The following DCDC1 variants were observed in gnomAD, a reference collection of about 807,000 sequenced individuals.
DCDC1 encodes doublecortin domain-containing protein 1.
Under a neutral mutation model 178.3 loss-of-function variants are expected in DCDC1, and 200 were observed. The ratio of observed to expected loss-of-function variants is 1.12; its 90% CI spans 1.00 to 1.26. The LOEUF is 1.26. DCDC1 is among the 50% of genes most tolerant of loss of function. The pLI, the probability that DCDC1 is intolerant of heterozygous loss-of-function variation, is 0.00. For missense variants in DCDC1, 1,983 were observed against 1,749.2 expected (o/e 1.13, Z -2.38); for synonymous variants, 690 against 604.8 (o/e 1.14, Z -2.07).
intron 7 of DCDC1, among the ~76,000 whole-genome samples, chr11:31,279,163 A>G (rs1364277562): frequency 6.6e-6 from 1 of 152,118 alleles, no homozygotes; most frequent in Non-Finnish European, 1.5e-5. Context: ...TAAGTCTTGC[A>G]CATATTGTGT....
intron 8 of DCDC1, among the ~76,000 whole-genome samples, chr11:31,250,564 G>A (rs1275323198): frequency 6.7e-6 from 1 of 150,344 alleles, no homozygotes; most frequent in Admixed American, 6.7e-5. Flanking sequence ...TTTTCCATTA[G>A]CAATGCTGTT....
intron 20 of DCDC1, among the ~76,000 whole-genome samples, chr11:30,993,002 T>C (rs190672601): frequency 6.6e-6 from 1 of 152,218 alleles, no homozygotes; most frequent in East Asian, 1.9e-4. Flanking sequence ...ATTTTGATTT[T>C]CAATCATAAA....
chr11:31,353,763 T>C (rs1951189263), intron 1 of DCDC1, among the ~76,000 whole-genome samples: 1 of 152,206 alleles, frequency 6.6e-6, no homozygotes, highest in Non-Finnish European at 1.5e-5. Flanking sequence ...ATAAGCACAG[T>C]GAACTGCTTG....
At chr11:31,240,604 T>A (rs1977005015) in intron 9 of DCDC1, among the ~76,000 whole-genome samples, 1 of 152,040 alleles carries the variant, frequency 6.6e-6, no homozygotes, top group Admixed American at 6.6e-5. Context: ...AATATTCATT[T>A]TTCAGCAGTC....
chr11:31,110,307 CT>C lies in DCDC1; in HGVS notation c.1539del (p.Asp514IlefsTer13), dbSNP rs1959125138. ...TGEISVGISK[K>X]DLGSDSPIQT... ...TGAATTGGGCTATCCGATCCCAAAT[CT>C]TTTTTACTGATACCAACAGAGATCT... On this transcript the variant is annotated frameshift_variant, in exon 12 of 39. Transcript: ENST00000684477. LOFTEE classifies it high-confidence loss of function. 2.8e-6 allele frequency: 2 copies of C among 712,814 alleles called. No individual in the cohort carries two copies. The highest frequency in any genetic ancestry group is 1.9e-5 in the Admixed American group (1 of 51,340). The allele number at this position is 712,814 out of a possible 1,614,324, so 44.2% of individuals were successfully genotyped here.
chr11:30,929,138 G>T (rs1324049224), intron 22 of DCDC1, among the ~76,000 whole-genome samples: 1 of 152,032 alleles, frequency 6.6e-6, no homozygotes. Flanking sequence ...TCGTTCAGTA[G>T]TCACTAATTT....
chr11:31,351,826 A>T (rs536881828), intron 1 of DCDC1, among the ~76,000 whole-genome samples: 26 of 152,274 alleles, frequency 1.7e-4, no homozygotes, highest in Admixed American at 6.5e-4. Flanking sequence ...CTAATCCAGG[A>T]ACTACTACTT....
At chr11:31,003,549 A>G (rs551176437) in intron 20 of DCDC1, among the ~76,000 whole-genome samples, 38 of 152,288 alleles carry the variant, frequency 2.5e-4, no homozygotes, top group African/African-American at 8.2e-4. Context: ...GGAGGAGGAG[A>G]TACTATGACT....
At chr11:30,930,906 A>C (rs190666966) in intron 22 of DCDC1, among the ~76,000 whole-genome samples, 4 of 152,198 alleles carry the variant, frequency 2.6e-5, no homozygotes, top group African/African-American at 9.6e-5. Context: ...TTGAAGTTTA[A>C]TTTTTTACTT....
At chr11:30,973,707 T>G (rs567287537) in intron 20 of DCDC1, among the ~76,000 whole-genome samples, 62 of 152,172 alleles carry the variant, frequency 4.1e-4, no homozygotes, top group Non-Finnish European at 7.6e-4. Flanking sequence ...ATAACAATTC[T>G]AAACATATAT....
At chr11:31,272,951 C>A (rs1488378272) in intron 7 of DCDC1, among the ~76,000 whole-genome samples, 1 of 152,196 alleles carries the variant, frequency 6.6e-6, no homozygotes, top group African/African-American at 2.4e-5. Context: ...TTGGGGCTTG[C>A]ACCCTCTGAA....
intron 7 of DCDC1, among the ~76,000 whole-genome samples, chr11:31,272,797 G>A: frequency 6.6e-6 from 1 of 152,238 alleles, no homozygotes; most frequent in African/African-American, 2.4e-5. Context: ...GGTGTTGAAT[G>A]TCTGAAGCAT....
intron 7 of DCDC1, among the ~76,000 whole-genome samples, chr11:31,271,311 T>C (rs938010685): frequency 6.6e-6 from 1 of 152,236 alleles, no homozygotes; most frequent in Non-Finnish European, 1.5e-5. Context: ...TCTCAGCTTT[T>C]AAAGCAGTTT....
At chr11:31,267,291 A>C (rs528660627) in intron 7 of DCDC1, among the ~76,000 whole-genome samples, 1 of 152,110 alleles carries the variant, frequency 6.6e-6, no homozygotes, top group East Asian at 1.9e-4. Flanking sequence ...CCCGGGTTCA[A>C]GTGATTCTCC....
chr11:31,236,264 G>A (rs143675605), intron 9 of DCDC1, among the ~76,000 whole-genome samples: 1 of 152,000 alleles, frequency 6.6e-6, no homozygotes, highest in African/African-American at 2.4e-5. Flanking sequence ...TGCACTTACT[G>A]TACTTTTGAG....
At chr11:30,970,878 C>T (rs1339309369) in intron 20 of DCDC1, among the ~76,000 whole-genome samples, 1 of 152,222 alleles carries the variant, frequency 6.6e-6, no homozygotes, top group Non-Finnish European at 1.5e-5. Context: ...AGCCCAGCTC[C>T]TTATCCAGTG....
chr11:30,982,024 AT>A (rs1281819529), intron 20 of DCDC1, among the ~76,000 whole-genome samples: 1 of 152,126 alleles, frequency 6.6e-6, no homozygotes, highest in Non-Finnish European at 1.5e-5. Context: ...AAATAAATTT[AT>A]TTTTTTCCTT....
At chr11:30,953,267 A>G (rs1410829227) in intron 20 of DCDC1, among the ~76,000 whole-genome samples, 3 of 148,500 alleles carry the variant, frequency 2.0e-5, no homozygotes, top group Non-Finnish European at 4.5e-5. Context: ...TATATTAATT[A>G]CATTATATAT....
intron 7 of DCDC1, chr11:31,280,835 T>C (rs969804108): frequency 1.8e-5 from 11 of 620,590 alleles, no homozygotes; most frequent in Non-Finnish European, 2.5e-5. Flanking sequence ...CTTATTGGCA[T>C]CTGTGTAAGT....
Sources: gnomAD v4.1 joint callset for allele counts (sites outside exome capture counted in the v4.1 genomes callset) on GRCh38, gnomAD v4.1.1 for gene constraint, MANE v1.5 for transcripts, NCBI Gene and HGNC (gene_info 2026-07-23, HGNC 2026-07-21) for gene names.